The following IGSF21 variants were observed in gnomAD, a reference collection of about 807,000 sequenced individuals.
The protein encoded by IGSF21 is immunoglobin superfamily member 21, also known as immunoglobulin superfamily member 21.
A neutral mutation model predicts 46.8 loss-of-function variants in IGSF21; 28 were observed. The ratio of observed to expected loss-of-function variants is 0.60; its 90% CI spans 0.44 to 0.82. The LOEUF (loss-of-function observed/expected upper bound fraction) is 0.82, where lower values mean the gene tolerates loss of function less well. IGSF21 is among the 40% of genes least tolerant of loss of function. The pLI is 0.00. For missense variants in IGSF21, 624 were observed against 665.5 expected, an observed-to-expected ratio of 0.94 and a Z score of 0.69; for synonymous variants, 284 against 273.6, an observed-to-expected ratio of 1.04 and a Z score of -0.38.
chr1:18,162,110 C>T (rs1030202775), intron 1 of IGSF21, among the ~76,000 whole-genome samples: 1 of 152,142 alleles, frequency 6.6e-6, no homozygotes, highest in Non-Finnish European at 1.5e-5. Flanking sequence ...ATGATCACAA[C>T]TCACAACTCA....
chr1:18,324,828 C>G (rs770798785), intron 3 of IGSF21, among the ~76,000 whole-genome samples: 2 of 152,168 alleles, frequency 1.3e-5, no homozygotes, highest in African/African-American at 4.8e-5. Context: ...GGAGAAAACC[C>G]AGGGCTTGGC....
chr1:18,291,794 A>G, intron 2 of IGSF21, 72 bp from the exon 3 acceptor site: 1 of 1,568,760 alleles, frequency 6.4e-7, no homozygotes, highest in South Asian at 1.2e-5. Context: ...GCATCTTGTC[A>G]GTGTCCTGGG....
chr1:18,345,749 A>G (rs780219775), intron 4 of IGSF21, among the ~76,000 whole-genome samples: 1 of 152,176 alleles, frequency 6.6e-6, no homozygotes, highest in African/African-American at 2.4e-5. Flanking sequence ...CTGCTATATC[A>G]TTTATAACAG....
chr1:18,235,443 T>C (rs2084664011), intron 2 of IGSF21, among the ~76,000 whole-genome samples: 1 of 151,556 alleles, frequency 6.6e-6, no homozygotes, highest in African/African-American at 2.4e-5. Context: ...TAAAATCGAG[T>C]GGTGGGATAG....
intron 1 of IGSF21, among the ~76,000 whole-genome samples, chr1:18,134,311 G>A (rs1055610097): frequency 2.6e-5 from 4 of 152,106 alleles, no homozygotes; most frequent in Admixed American, 2.0e-4. Context: ...TGTAAGGGGG[G>A]CAGAGAGGCT....
At chr1:18,170,086 G>C (rs2086721681) in intron 1 of IGSF21, among the ~76,000 whole-genome samples, 1 of 152,198 alleles carries the variant, frequency 6.6e-6, no homozygotes, top group Non-Finnish European at 1.5e-5. Context: ...GGAAGTGGTA[G>C]CTGTGAGTGC....
intron 3 of IGSF21, among the ~76,000 whole-genome samples, chr1:18,294,149 C>T (rs1002644967): frequency 6.6e-6 from 1 of 152,206 alleles, no homozygotes; most frequent in African/African-American, 2.4e-5. Context: ...CACATCCTGG[C>T]ATTAGTGAAA....
chr1:18,263,097 C>T (rs567624482), intron 2 of IGSF21, among the ~76,000 whole-genome samples: 1 of 152,190 alleles, frequency 6.6e-6, no homozygotes, highest in African/African-American at 2.4e-5. Flanking sequence ...GGTGGGAGGT[C>T]GTGCAGAAAA....
intron 6 of IGSF21, among the ~76,000 whole-genome samples, chr1:18,367,063 C>T (rs539101551): frequency 7.9e-5 from 12 of 152,142 alleles, no homozygotes; most frequent in African/African-American, 2.4e-4. Flanking sequence ...TCCCTGAGCC[C>T]GAGATGCCTG....
chr1:18,280,045 C>T (rs2085143789), intron 2 of IGSF21, among the ~76,000 whole-genome samples: 1 of 152,140 alleles, frequency 6.6e-6, no homozygotes, highest in Admixed American at 6.5e-5. Context: ...CCATGATGAG[C>T]CCTTGCTGGA....
chr1:18,110,490 C>G (rs2086133904), intron 1 of IGSF21: 1 of 152,292 alleles, frequency 6.6e-6, no homozygotes, highest in South Asian at 2.1e-4. Context: ...AGAGGAGCAA[C>G]CCGCGCCGGC....
At chr1:18,336,761 G>T (rs1481841222) in intron 4 of IGSF21, among the ~76,000 whole-genome samples, 1 of 152,088 alleles carries the variant, frequency 6.6e-6, no homozygotes. Flanking sequence ...CCATTTTCAT[G>T]TTGCTGATAA....
At chr1:18,115,900 AG>A (rs1385372140) in intron 1 of IGSF21, 1 of 84,172 alleles carries the variant, frequency 1.2e-5, no homozygotes, top group Non-Finnish European at 2.5e-5. Context: ...AAAGAAAGAA[AG>A]AAGGAGAGGG....
intron 4 of IGSF21, among the ~76,000 whole-genome samples, chr1:18,338,645 G>A (rs1253233478): frequency 6.6e-6 from 1 of 152,162 alleles, no homozygotes; most frequent in Admixed American, 6.5e-5. Flanking sequence ...ATTTCCAGAG[G>A]CCTCCGGGTG....
chr1:18,268,262 A>G (rs2085008824), intron 2 of IGSF21, among the ~76,000 whole-genome samples: 1 of 152,256 alleles, frequency 6.6e-6, no homozygotes, highest in Non-Finnish European at 1.5e-5. Flanking sequence ...TTAGTCCTCC[A>G]GCCAGTTAGT....
At chr1:18,133,603 GC>G (rs1417282960) in intron 1 of IGSF21, among the ~76,000 whole-genome samples, 1 of 152,224 alleles carries the variant, frequency 6.6e-6, no homozygotes, top group Admixed American at 6.5e-5. Context: ...TGCACTGCCA[GC>G]CCCCTTGCAC....
At chr1:18,207,349 A>G (rs1436735462) in intron 1 of IGSF21, among the ~76,000 whole-genome samples, 1 of 152,178 alleles carries the variant, frequency 6.6e-6, no homozygotes, top group East Asian at 1.9e-4. Flanking sequence ...TTACATGATC[A>G]TGGAGTGATA....
At chr1:18,287,987 GT>G (rs1468184764) in intron 2 of IGSF21, among the ~76,000 whole-genome samples, 2 of 152,144 alleles carry the variant, frequency 1.3e-5, no homozygotes, top group Non-Finnish European at 2.9e-5. Context: ...GTCCAGAAAG[GT>G]GTGAGTGCTC....
chr1:18,280,155 G>T (rs2085144821), intron 2 of IGSF21, among the ~76,000 whole-genome samples: 1 of 152,168 alleles, frequency 6.6e-6, no homozygotes, highest in Non-Finnish European at 1.5e-5. Flanking sequence ...TGTAGGGGGT[G>T]TCACAGGCAG....
Sources: gnomAD v4.1 joint callset for allele counts (sites outside exome capture counted in the v4.1 genomes callset) on GRCh38, gnomAD v4.1.1 for gene constraint, MANE v1.5 for transcripts, NCBI Gene and HGNC (gene_info 2026-07-23, HGNC 2026-07-21) for gene names.